The following NAE1 variants were observed in gnomAD, a reference collection of about 807,000 sequenced individuals.
NAE1 encodes the protein NEDD8-activating enzyme E1 regulatory subunit.
In NAE1, 59 loss-of-function variants were observed where a neutral mutation model predicts 88.0. The observed-to-expected ratio is 0.67, with a 90% confidence interval of 0.54 to 0.83. The LOEUF (loss-of-function observed/expected upper bound fraction) is 0.83, where lower values mean the gene tolerates loss of function less well. Ranked by LOEUF, NAE1 falls within the 40% of genes least tolerant of loss-of-function variation. NAE1 has a pLI of 0.00. For missense variants in NAE1, 554 were observed against 632.8 expected (o/e 0.88, Z 1.34); for synonymous variants, 186 against 208.9 (o/e 0.89, Z 0.95).
intron 4 of NAE1, among the ~76,000 whole-genome samples, chr16:66,824,002 GC>G (rs1416903289): frequency 1.3e-5 from 2 of 152,202 alleles, no homozygotes; most frequent in Non-Finnish European, 2.9e-5. Flanking sequence ...CTCCCAAAGT[GC>G]TGAGATTACA....
chr16:66,816,272 TC>T (rs1218942547), intron 11 of NAE1, among the ~76,000 whole-genome samples: 1 of 152,042 alleles, frequency 6.6e-6, no homozygotes, highest in Non-Finnish European at 1.5e-5. Context: ...TTCAAGTGAT[TC>T]TCCTGCCTCA....
chr16:66,814,469 T>C (rs1349946875), intron 11 of NAE1, among the ~76,000 whole-genome samples: 3 of 151,680 alleles, frequency 2.0e-5, no homozygotes, highest in Non-Finnish European at 2.9e-5. Context: ...GGCACGTGCC[T>C]GTGGTCCCAG....
chr16:66,808,478 T>G (rs1220234249), intron 17 of NAE1, 43 bp downstream of exon 17: 2 of 1,251,590 alleles, frequency 1.6e-6, no homozygotes, highest in Admixed American at 4.1e-5. Flanking sequence ...AAATGTTTTA[T>G]TGAAGATCTT....
intron 1 of NAE1, chr16:66,828,133 T>C (rs1432947768): frequency 8.5e-6 from 11 of 1,301,274 alleles, no homozygotes; most frequent in Non-Finnish European, 1.2e-5. Flanking sequence ...GTATGGCACG[T>C]AGAAGACACC....
chr16:66,822,826 C>T (rs770050706), intron 6 of NAE1, among the ~76,000 whole-genome samples: 12 of 149,770 alleles, frequency 8.0e-5, no homozygotes, highest in Non-Finnish European at 3.0e-5. Flanking sequence ...TGAGCCACCA[C>T]GCCCAGCTAA....
At chr16:66,823,151 A>G (rs1169212254) in intron 6 of NAE1, 76 bp downstream of exon 6, 1 of 891,024 alleles carries the variant, frequency 1.1e-6, no homozygotes, top group African/African-American at 1.7e-5. Context: ...CCATATCATC[A>G]TAGACTGTGC....
chr16:66,805,817 A>G lies in NAE1; in HGVS notation c.1455T>C (p.Tyr485=), dbSNP rs375226096. 26 of 1,542,560 alleles carry G rather than the reference A, an allele frequency of 1.7e-5. No homozygotes were observed. Among genetic ancestry groups the G allele is most frequent in the Middle Eastern group, 3.5e-4 (2 of 5,750 alleles). ...CAATGGTATGTGGCTCAGCAGCTCCATATCGGCAACTAAAGGAGACCACAG... is the reference window on the plus strand; with the variant it reads ...CAATGGTATGTGGCTCAGCAGCTCCGTATCGGCAACTAAAGGAGACCACAG... ...KDDYVHEFCR[Y]GAAEPHTIAA... Residue 485 remains tyrosine (Y), a synonymous_variant, in exon 19 of 20, where the codon TAT becomes TAC. Coordinates refer to ENST00000290810, the MANE Select transcript of NAE1 (RefSeq NM_003905.4).
rs1959912699 is a variant in NAE1 at position 66,813,657 on chromosome 16, A to T, written c.941T>A (p.Phe314Tyr). ...ATTTCCTTGACCCTCTTTGGCCACA[A>T]ATTCCTTTAAGGCACGAGCTAAAAT... The part of the protein sequence containing the change: ...FWILARALKE[F>Y]VAKEGQGNLP... The change falls in exon 13 of 20, where the codon TTT (phenylalanine) becomes TAT (tyrosine). Residue 314 changes from phenylalanine (F) to tyrosine (Y), a missense_variant. By Grantham distance (22) the Phe-to-Tyr change is conservative. Coordinates refer to ENST00000290810, the MANE Select transcript of NAE1 (RefSeq NM_003905.4). 3 of 1,614,082 alleles carry T rather than the reference A, an allele frequency of 1.9e-6. No homozygotes were observed. Among genetic ancestry groups the T allele is most frequent in the Non-Finnish European group, 2.5e-6 (3 of 1,179,960 alleles).
intron 7 of NAE1, among the ~76,000 whole-genome samples, chr16:66,819,436 G>T (rs1336472506): frequency 1.3e-5 from 2 of 152,184 alleles, no homozygotes; most frequent in Non-Finnish European, 2.9e-5. Flanking sequence ...GTGCTTAGAG[G>T]TAGGCCCAGT....
intron 1 of NAE1, among the ~76,000 whole-genome samples, chr16:66,829,030 A>G (rs955059163): frequency 2.0e-5 from 3 of 151,880 alleles, no homozygotes; most frequent in Admixed American, 6.6e-5. Flanking sequence ...TCTCTAAGTA[A>G]CATGTTTCAA....
chr16:66,823,680 A>G, intron 4 of NAE1, 80 bp from the exon 5 acceptor site: 1 of 1,109,672 alleles, frequency 9.0e-7, no homozygotes, highest in Non-Finnish European at 1.3e-6. Flanking sequence ...GAACAGGCAA[A>G]CATACTGTAA....
At chr16:66,825,333 G>C (rs879346760) in intron 3 of NAE1, among the ~76,000 whole-genome samples, 1 of 151,950 alleles carries the variant, frequency 6.6e-6, no homozygotes, top group Non-Finnish European at 1.5e-5. Context: ...TGTAGTCCCA[G>C]CTACTCGGAA....
intron 6 of NAE1, 110 bp from the exon 7 acceptor site, chr16:66,821,669 A>T: frequency 3.3e-6 from 3 of 900,712 alleles, no homozygotes; most frequent in Non-Finnish European, 3.2e-6. Flanking sequence ...ACTAAATAAT[A>T]GATGCAAAGG....
chr16:66,830,779 C>A, intron 1 of NAE1, 68 bp downstream of exon 1: 1 of 1,440,794 alleles, frequency 6.9e-7, no homozygotes, highest in Non-Finnish European at 9.3e-7. Context: ...GCCGCCCGCG[C>A]CCTTAGGCCC....
chr16:66,830,789 C>T (rs1300129000), intron 1 of NAE1, 58 bp downstream of exon 1: 28 of 1,479,368 alleles, frequency 1.9e-5, no homozygotes, highest in Admixed American at 1.0e-4. Context: ...CCCTTAGGCC[C>T]GGCCCGAATG....
rs944061458 is a variant in NAE1 at position 66,830,884 on chromosome 16, T to C, written c.16A>G (p.Lys6Glu). The change falls in exon 1 of 20, where the codon AAG becomes GAG. Residue 6 changes from lysine to glutamate, a missense_variant. Transcript: ENST00000290810. ...TCGTACTTCTGCTCCTTGAGCAGCT[T>C]TCCCAGCTGCGCCATGGCCGCGCCT... MAQLG[K>E]LLKEQKYDRQ... is the part of the protein sequence containing the mutation. 9 of 1,535,906 alleles carry C rather than the reference T, an allele frequency of 5.9e-6. No individual in the cohort carries two copies. The highest frequency in any genetic ancestry group is 7.8e-6 in the Non-Finnish European group (9 of 1,150,722).
At chr16:66,828,467 C>A (rs1041586324) in intron 1 of NAE1, among the ~76,000 whole-genome samples, 9 of 144,848 alleles carry the variant, frequency 6.2e-5, no homozygotes, top group African/African-American at 2.3e-4. Flanking sequence ...CTCCAGCCTG[C>A]GCAACACAGT....
intron 1 of NAE1, among the ~76,000 whole-genome samples, chr16:66,828,617 T>C (rs1370100905): frequency 2.0e-5 from 3 of 150,916 alleles, no homozygotes; most frequent in South Asian, 2.1e-4. Flanking sequence ...AAGGCTGTGG[T>C]GTGCCAATAA....
At chr16:66,807,774 A>T (rs1427725794) in intron 17 of NAE1, among the ~76,000 whole-genome samples, 2 of 152,238 alleles carry the variant, frequency 1.3e-5, no homozygotes, top group Admixed American at 6.5e-5. Context: ...AAAGAAAAAT[A>T]TTCTGAGCAA....
Sources: allele counts gnomAD v4.1 joint callset (sites outside exome capture counted in the v4.1 genomes callset), GRCh38; gene constraint gnomAD v4.1.1; transcripts MANE v1.5; gene names NCBI Gene and HGNC (gene_info 2026-07-23, HGNC 2026-07-21).